LMO1: variants seen among roughly 807,000 people sequenced by gnomAD.
The protein encoded by LMO1 is LIM domain only 1, also known as rhombotin-1.
A neutral mutation model predicts 18.0 loss-of-function variants in LMO1; 10 were observed. That is an observed-to-expected ratio of 0.55 (90% CI 0.34 to 0.94). The LOEUF is 0.94. LMO1 is among the 40% of genes least tolerant of loss of function. The pLI is 0.02. For synonymous variants in LMO1, 77 were observed against 77.9 expected (o/e 0.99, Z 0.06); for missense variants, 183 against 205.7 (o/e 0.89, Z 0.68).
At chr11:8,237,545 G>A (rs559332971) in intron 1 of LMO1, among the ~76,000 whole-genome samples, 8 of 152,358 alleles carry the variant, frequency 5.3e-5, no homozygotes, top group African/African-American at 7.2e-5. Context: ...AAAAGCCAAC[G>A]AGAACAACTG....
rs542124996 is a variant in LMO1 at position 8,256,016 on chromosome 11, G to T, written c.25+7322C>A. ...AATTTTTTGTATTTTTGGTAGAGAC[G>T]GGGTTTCACCGTGTTAGCCAGGATG... On this transcript the variant is annotated intron_variant, in intron 1 of 3. Coordinates refer to ENST00000335790, the MANE Select transcript of LMO1 (RefSeq NM_002315.3). 3.9e-5 allele frequency among the ~76,000 whole-genome samples: 6 copies of T among 151,916 alleles called. No individual in the cohort carries two copies. The East Asian group carries it at 1.2e-3, about 29-fold the overall frequency.
upstream of LMO1, chr11:8,268,391 GC>G: frequency 7.5e-6 from 11 of 1,462,638 alleles, no homozygotes; most frequent in Admixed American, 9.4e-5. Context: ...CGTCCCGCGT[GC>G]CCCCGGGCAC....
chr11:8,267,439 A>G (rs1455872090), upstream of LMO1, among the ~76,000 whole-genome samples: 1 of 152,106 alleles, frequency 6.6e-6, no homozygotes, highest in Non-Finnish European at 1.5e-5. Context: ...TTGCCTCTCA[A>G]CCCCAAACCT....
intron 1 of LMO1, among the ~76,000 whole-genome samples, chr11:8,246,100 C>T (rs1186927641): frequency 1.3e-5 from 2 of 152,042 alleles, no homozygotes; most frequent in Non-Finnish European, 2.9e-5. Context: ...CCCACCTGTC[C>T]CCACCTGCAA....
chr11:8,227,211 C>T (rs1181449447), intron 2 of LMO1, 111 bp from the exon 3 acceptor site: 14 of 1,508,226 alleles, frequency 9.3e-6, no homozygotes, highest in Admixed American at 6.0e-5. Flanking sequence ...CTTGTGGGCT[C>T]AGCAGGTGGG....
chr11:8,232,203 C>G (rs1270055797), intron 1 of LMO1, among the ~76,000 whole-genome samples: 1 of 152,164 alleles, frequency 6.6e-6, no homozygotes, highest in African/African-American at 2.4e-5. Flanking sequence ...CAGGGCCTGT[C>G]TGTTAGCTGG....
rs1847177465 is a variant in LMO1 at position 8,260,995 on chromosome 11, G to A, written c.25+2343C>T. On this transcript the variant is annotated intron_variant, in intron 1 of 3. Coordinates refer to ENST00000335790, the MANE Select transcript of LMO1 (RefSeq NM_002315.3). The stretch of plus-strand genomic sequence containing the variant: ...TTGGAGGAGCAGATGAGTGCATCCA[G>A]AACCTTTCTCCCTCCCCCAATTGAA... Among the ~76,000 whole-genome samples, 3 of 152,200 alleles carry A rather than the reference G, an allele frequency of 2.0e-5. No homozygotes were observed. In the South Asian group the frequency reaches 6.2e-4, roughly 32 times the overall value.
chr11:8,234,312 C>T (rs1476342278), intron 1 of LMO1, among the ~76,000 whole-genome samples: 1 of 152,192 alleles, frequency 6.6e-6, no homozygotes, highest in Non-Finnish European at 1.5e-5. Flanking sequence ...CGGGGACGCA[C>T]TGCCAGAGGT....
chr11:8,265,186 T>C (rs1338969715), upstream of LMO1, among the ~76,000 whole-genome samples: 1 of 152,254 alleles, frequency 6.6e-6, no homozygotes, highest in South Asian at 2.1e-4. Flanking sequence ...TCTTTCTCTA[T>C]CTGGGCCTCA....
At chr11:8,263,098 CG>C (rs1031888979) in intron 1 of LMO1, among the ~76,000 whole-genome samples, 1 of 151,552 alleles carries the variant, frequency 6.6e-6, no homozygotes, top group Non-Finnish European at 1.5e-5. Context: ...GGCCGGGACC[CG>C]GGGGGCGTGC....
intron 2 of LMO1, among the ~76,000 whole-genome samples, chr11:8,228,440 C>A (rs1360406186): frequency 6.6e-6 from 1 of 152,256 alleles, no homozygotes. Context: ...GCTTGAGCTG[C>A]CTGGTGGCTC....
chr11:8,247,352 A>C (rs952706410), intron 1 of LMO1, among the ~76,000 whole-genome samples: 1 of 152,132 alleles, frequency 6.6e-6, no homozygotes, highest in African/African-American at 2.4e-5. Flanking sequence ...GCCAGCTTAG[A>C]TCCAGTCCAC....
intron 1 of LMO1, among the ~76,000 whole-genome samples, chr11:8,245,762 G>A (rs1299843649): frequency 1.3e-5 from 2 of 152,178 alleles, no homozygotes; most frequent in Non-Finnish European, 2.9e-5. Context: ...GACTCAGTGT[G>A]TTAATCTTTC....
chr11:8,265,636 T>C (rs1847253532), upstream of LMO1, among the ~76,000 whole-genome samples: 1 of 152,208 alleles, frequency 6.6e-6, no homozygotes, highest in African/African-American at 2.4e-5. Context: ...ATCTCTCCCC[T>C]GCCACTGCCG....
chr11:8,228,214 G>T (rs529663743), intron 2 of LMO1, among the ~76,000 whole-genome samples: 75 of 152,374 alleles, frequency 4.9e-4, no homozygotes, highest in Middle Eastern at 3.4e-3. Flanking sequence ...TCTAGGGACA[G>T]GGAGTTTACT....
At chr11:8,235,086 T>TA (rs1171338852) in intron 1 of LMO1, among the ~76,000 whole-genome samples, 1 of 152,194 alleles carries the variant, frequency 6.6e-6, no homozygotes, top group Non-Finnish European at 1.5e-5. Flanking sequence ...CATGAGGCCA[T>TA]AGCACAGAGT....
chr11:8,245,068 C>T (rs908233897), intron 1 of LMO1, among the ~76,000 whole-genome samples: 2 of 152,220 alleles, frequency 1.3e-5, no homozygotes, highest in African/African-American at 4.8e-5. Flanking sequence ...TTCCCAAGTC[C>T]TTGTTGTGGT....
upstream of LMO1, chr11:8,268,618 G>A (rs747764357): frequency 1.3e-4 from 51 of 395,808 alleles, no homozygotes; most frequent in Non-Finnish European, 2.0e-4. Flanking sequence ...GCGCAGCCCC[G>A]CGGGCAGGGA....
At chr11:8,239,490 A>G (rs1238010972) in intron 1 of LMO1, among the ~76,000 whole-genome samples, 1 of 152,202 alleles carries the variant, frequency 6.6e-6, no homozygotes, top group Non-Finnish European at 1.5e-5. Context: ...AAGCAGAGCC[A>G]AGATGTCTGC....
Sources: allele counts gnomAD v4.1 joint callset (sites outside exome capture counted in the v4.1 genomes callset), GRCh38; gene constraint gnomAD v4.1.1; transcripts MANE v1.5; gene names NCBI Gene and HGNC (gene_info 2026-07-23, HGNC 2026-07-21).